Variants in ABTB2 observed in about 807,000 individuals in gnomAD.
ABTB2 encodes the protein ankyrin repeat and BTB domain containing 2.
In ABTB2, 56 loss-of-function variants were observed where a neutral mutation model predicts 104.1. The observed-to-expected ratio is 0.54, with a 90% CI of 0.43 to 0.67. The LOEUF (loss-of-function observed/expected upper bound fraction) is 0.67, where lower values mean the gene tolerates loss of function less well. Ranked by LOEUF, ABTB2 falls within the 30% of genes least tolerant of loss-of-function variation. The probability of loss-of-function intolerance (pLI) is 0.00; values close to 1 mark genes in which losing one functional copy is unlikely to be tolerated. For missense variants in ABTB2, 1,279 were observed against 1,407.7 expected, an observed-to-expected ratio of 0.91 and a Z score of 1.46; for synonymous variants, 606 against 608.2, an observed-to-expected ratio of 1.00 and a Z score of 0.05.
At chr11:34,355,971 A>G (rs1855460467) in intron 1 of ABTB2, among the ~76,000 whole-genome samples, 1 of 152,176 alleles carries the variant, frequency 6.6e-6, no homozygotes, top group Admixed American at 6.5e-5. Flanking sequence ...AACATTTAAT[A>G]CAATGCAAGG....
At chr11:34,312,869 A>T (rs182632272) in intron 1 of ABTB2, among the ~76,000 whole-genome samples, 54 of 152,290 alleles carry the variant, frequency 3.5e-4, no homozygotes, top group African/African-American at 1.3e-3. Flanking sequence ...CTGGGCTACT[A>T]TTCTCATTTT....
At chr11:34,324,230 T>G (rs1415214566) in intron 1 of ABTB2, among the ~76,000 whole-genome samples, 1 of 152,156 alleles carries the variant, frequency 6.6e-6, no homozygotes, top group Non-Finnish European at 1.5e-5. Context: ...AAATTCTTAG[T>G]TAGTCCTCAC....
At chr11:34,303,501 T>C (rs1433931580) in intron 1 of ABTB2, among the ~76,000 whole-genome samples, 1 of 152,218 alleles carries the variant, frequency 6.6e-6, no homozygotes, top group Non-Finnish European at 1.5e-5. Context: ...TTTTTCTTTC[T>C]TTAACTGCCA....
intron 3 of ABTB2, among the ~76,000 whole-genome samples, chr11:34,180,738 GACCCA>G (rs1379920523): frequency 1.3e-5 from 2 of 152,198 alleles, no homozygotes; most frequent in African/African-American, 4.8e-5. Context: ...AGGGATGCTA[GACCCA>G]GGTGCCATAA....
intron 3 of ABTB2, among the ~76,000 whole-genome samples, chr11:34,183,288 C>T (rs924517954): frequency 5.9e-5 from 9 of 152,232 alleles, no homozygotes; most frequent in East Asian, 1.9e-4. Context: ...CTTTGTAAGG[C>T]GAGGTTTCAC....
intron 1 of ABTB2, among the ~76,000 whole-genome samples, chr11:34,220,969 CTT>C (rs796101704): frequency 1.4e-5 from 2 of 143,080 alleles, no homozygotes; most frequent in African/African-American, 2.5e-5. Flanking sequence ...GTGTCCTAAT[CTT>C]TTTTTTTTTT....
chr11:34,348,239 G>A (rs1387611318), intron 1 of ABTB2, among the ~76,000 whole-genome samples: 3 of 152,170 alleles, frequency 2.0e-5, no homozygotes, highest in African/African-American at 4.8e-5. Flanking sequence ...AGTAATTGGA[G>A]GTCTGGGGCC....
chr11:34,214,548 TTTTTTTTTA>T (rs1438303029), intron 1 of ABTB2, among the ~76,000 whole-genome samples: 5 of 134,388 alleles, frequency 3.7e-5, no homozygotes, highest in Admixed American at 2.9e-4. Flanking sequence ...TTTTTTTTTT[TTTTTTTTTA>T]AAGTCAGGTT....
At chr11:34,249,110 C>A (rs1268244833) in intron 1 of ABTB2, among the ~76,000 whole-genome samples, 1 of 152,224 alleles carries the variant, frequency 6.6e-6, no homozygotes, top group Non-Finnish European at 1.5e-5. Context: ...GCCTGGGCAA[C>A]AAGAGCGAAA....
intron 1 of ABTB2, among the ~76,000 whole-genome samples, chr11:34,251,023 C>A (rs768353070): frequency 2.0e-4 from 31 of 152,208 alleles, no homozygotes; most frequent in Admixed American, 6.5e-4. Context: ...TATATTTACT[C>A]CTCCTTCTGA....
chr11:34,284,918 C>T (rs541385624), intron 1 of ABTB2, among the ~76,000 whole-genome samples: 10 of 152,260 alleles, frequency 6.6e-5, no homozygotes, highest in Non-Finnish European at 1.2e-4. Context: ...ATCACTGACA[C>T]TCAGACTGGC....
At position 34,222,497 on chromosome 11, in the gene ABTB2, G is replaced by A. The variant is rs181378088; in HGVS notation, c.884-17807C>T. ...CACAGAGCCCTAAGCATCCGAGTGGGAGGTGAGGAGCCTCCTCCTCCACCT... is the reference window on the plus strand; with the variant it reads ...CACAGAGCCCTAAGCATCCGAGTGGAAGGTGAGGAGCCTCCTCCTCCACCT... On this transcript the variant is annotated intron_variant, in intron 1 of 16. Coordinates refer to ENST00000435224, the MANE Select transcript of ABTB2 (RefSeq NM_145804.3). Among the ~76,000 whole-genome samples the A allele has an allele frequency of 6.1e-3, 924 of 152,260 alleles. 11 individuals carry two copies. Among genetic ancestry groups the A allele is most frequent in the African/African-American group, 0.02 (850 of 41,536 alleles).
intron 1 of ABTB2, among the ~76,000 whole-genome samples, chr11:34,255,946 A>C (rs1005785483): frequency 2.6e-5 from 4 of 151,938 alleles, no homozygotes; most frequent in African/African-American, 9.7e-5. Flanking sequence ...GTAAAACCCA[A>C]CTCCTGATCA....
At position 34,164,751 on chromosome 11, in the gene ABTB2, G is replaced by A. The variant is rs779010051; in HGVS notation, c.1923C>T (p.His641=). Residue 641 remains histidine, a synonymous_variant, in exon 9 of 17, where the codon CAC becomes CAT. Transcript: ENST00000435224. ...CCTCGTGGAGGGAGGAGCCCATGCC[G>A]TGGGCCTCCAGCATGCTGAGGAGGG... ...ADPLLSMLEA[H]GMGSSLHEDM... 1.0e-5 allele frequency: 16 copies of A among 1,558,094 alleles called. No homozygotes were observed. The highest frequency in any genetic ancestry group is 1.7e-4 in the Middle Eastern group (1 of 5,912).
intron 1 of ABTB2, among the ~76,000 whole-genome samples, chr11:34,216,221 A>ACCTAGG (rs996807297): frequency 1.3e-5 from 2 of 152,112 alleles, no homozygotes; most frequent in African/African-American, 4.8e-5. Context: ...AAGCCAGACT[A>ACCTAGG]CCTAGGCTTG....
intron 16 of ABTB2, among the ~76,000 whole-genome samples, chr11:34,152,968 G>A (rs1425773024): frequency 6.6e-6 from 1 of 152,210 alleles, no homozygotes; most frequent in Non-Finnish European, 1.5e-5. Context: ...TCAAGGGGCC[G>A]CTCTGGGTTT....
At chr11:34,190,126 G>A (rs139271833) in intron 3 of ABTB2, among the ~76,000 whole-genome samples, 273 of 152,312 alleles carry the variant, frequency 1.8e-3, no homozygotes, top group African/African-American at 6.3e-3. Context: ...TATAATCCCA[G>A]CTACTCGGGA....
intron 1 of ABTB2, among the ~76,000 whole-genome samples, chr11:34,244,634 A>C (rs995641787): frequency 6.6e-6 from 1 of 151,468 alleles, no homozygotes; most frequent in Non-Finnish European, 1.5e-5. Context: ...CTAAATATTC[A>C]CTCTCCCAAC....
intron 1 of ABTB2, among the ~76,000 whole-genome samples, chr11:34,213,142 A>C (rs1413108214): frequency 1.3e-5 from 2 of 152,158 alleles, no homozygotes; most frequent in African/African-American, 4.8e-5. Context: ...GAGGGGCTCC[A>C]GCAGGGTTAG....
Sources: gnomAD v4.1 joint callset for allele counts (sites outside exome capture counted in the v4.1 genomes callset) on GRCh38, gnomAD v4.1.1 for gene constraint, MANE v1.5 for transcripts, NCBI Gene and HGNC (gene_info 2026-07-23, HGNC 2026-07-21) for gene names.